ANK2: variants seen among roughly 807,000 people sequenced by gnomAD.
ANK2 encodes ankyrin 2.
A neutral mutation model predicts 360.5 loss-of-function variants in ANK2; 83 were observed. The observed-to-expected ratio is 0.23, with a 90% confidence interval of 0.19 to 0.28. The LOEUF (loss-of-function observed/expected upper bound fraction) is 0.28. Among genes scored for constraint, ANK2 ranks in the 10% least tolerant of loss-of-function variants. The pLI is 1.00. For missense variants in ANK2, 4,201 were observed against 4,795.7 expected (o/e 0.88, Z 3.66); for synonymous variants, 1,740 against 1,759.5 (o/e 0.99, Z 0.28).
intron 1 of ANK2, among the ~76,000 whole-genome samples, chr4:113,144,056 A>G (rs2096740729): frequency 6.6e-6 from 1 of 152,176 alleles, no homozygotes; most frequent in Admixed American, 6.5e-5. Context: ...TCCTTTTAAC[A>G]TGAATGGAGA....
intron 2 of ANK2, among the ~76,000 whole-genome samples, chr4:112,996,811 C>T (rs563536991): frequency 3.9e-5 from 6 of 152,158 alleles, no homozygotes; most frequent in South Asian, 4.2e-4. Flanking sequence ...TGTTGTGCCA[C>T]CAAATAATAG....
chr4:113,330,207 T>A (rs2153920854), intron 26 of ANK2, 39 bp from the exon 27 acceptor site: 1 of 1,576,078 alleles, frequency 6.3e-7, no homozygotes, highest in Non-Finnish European at 8.7e-7. Context: ...CTGCCCCCAA[T>A]ATTTCAAAAC....
At position 113,358,998 on chromosome 4, in the gene ANK2, A is replaced by C. The variant is rs761775624; in HGVS notation, c.10380A>C (p.Thr3460=). 1 of 1,614,124 alleles carries C rather than the reference A, an allele frequency of 6.2e-7. No individual in the cohort carries two copies. Among genetic ancestry groups the C allele is most frequent in the Non-Finnish European group, 8.5e-7 (1 of 1,179,974 alleles). The change falls in exon 38 of 46, where the codon ACA becomes ACC. Residue 3460 remains threonine (T), a synonymous_variant. Coordinates refer to ENST00000357077, the MANE Select transcript of ANK2 (RefSeq NM_001148.6). ...TSSCRGGTSP[T]KESKEHFFDL... ...CCTGCAGGGGGGGCACGAGCCCCAC[A>C]AAAGAAAGTAAGGAGCATTTCTTTG... is the stretch of plus-strand genomic sequence containing the variant.
At chr4:112,959,331 A>T (rs1161585472) in intron 2 of ANK2, among the ~76,000 whole-genome samples, 1 of 152,090 alleles carries the variant, frequency 6.6e-6, no homozygotes, top group East Asian at 1.9e-4. Flanking sequence ...ATTTTTTTTG[A>T]AAACAAGAAC....
At chr4:113,024,222 T>G (rs2154299575) in intron 2 of ANK2, among the ~76,000 whole-genome samples, 1 of 152,222 alleles carries the variant, frequency 6.6e-6, no homozygotes, top group African/African-American at 2.4e-5. Context: ...GAGAGCATGC[T>G]CCTCCATCAC....
At chr4:113,181,932 A>C (rs927349270) in intron 2 of ANK2, among the ~76,000 whole-genome samples, 7 of 152,132 alleles carry the variant, frequency 4.6e-5, no homozygotes, top group African/African-American at 1.7e-4. Flanking sequence ...AAGTGATTAG[A>C]GGGTTTTTAG....
At chr4:113,143,065 C>T (rs929660326) in intron 1 of ANK2, among the ~76,000 whole-genome samples, 19 of 151,240 alleles carry the variant, frequency 1.3e-4, no homozygotes, top group African/African-American at 2.9e-4. Flanking sequence ...TTATGAATTG[C>T]GTCCCTATCT....
intron 2 of ANK2, among the ~76,000 whole-genome samples, chr4:112,950,290 G>A (rs1010566651): frequency 3.3e-5 from 5 of 151,990 alleles, no homozygotes; most frequent in Non-Finnish European, 5.9e-5. Flanking sequence ...ATAAATGAAG[G>A]AACTGATAGA....
chr4:113,354,892 A>G lies in ANK2; in HGVS notation c.6274A>G (p.Ile2092Val). The G allele has an allele frequency of 1.2e-6, 2 of 1,614,122 alleles. No homozygotes were observed. Among genetic ancestry groups the G allele is most frequent in the Non-Finnish European group, 1.7e-6 (2 of 1,179,996 alleles). ...GGKEKVLSHK[I>V]PEPVQSVPEE... ...AAAGGAGAAAGTTCTCAGCCACAAA[A>G]TACCTGAACCTGTTCAGTCAGTGCC... The change falls in exon 38 of 46, where the codon ATA becomes GTA. Residue 2092 changes from isoleucine to valine, a missense_variant. Around this residue, in one of 4 missense-constraint regions of ANK2, gnomAD observed 2,642 missense variants for 2,714.5 expected, o/e 0.97. Transcript: ENST00000357077.
chr4:113,030,281 T>C (rs928224716), intron 2 of ANK2, among the ~76,000 whole-genome samples: 9 of 152,124 alleles, frequency 5.9e-5, no homozygotes, highest in African/African-American at 2.2e-4. Flanking sequence ...CTTGATATCT[T>C]CTTAAACAAG....
At chr4:113,364,844 G>A (rs1204961250) in intron 40 of ANK2, among the ~76,000 whole-genome samples, 195 bp from the exon 41 acceptor site, 32 of 152,084 alleles carry the variant, frequency 2.1e-4, no homozygotes, top group Non-Finnish European at 2.9e-5. Flanking sequence ...CTACTTTTAG[G>A]GCTTTTGCCC....
Position 113,052,436 on chromosome 4 carries a change from C to T in ANK2, c.84+2624C>T, listed in dbSNP as rs192289049. Among the ~76,000 whole-genome samples the T allele has an allele frequency of 2.8e-3, 431 of 152,170 alleles. 2 individuals carry two copies. Among genetic ancestry groups the T allele is most frequent in the Non-Finnish European group, 4.2e-3 (288 of 67,982 alleles). On this transcript the variant is annotated intron_variant, in intron 1 of 45. Transcript: ENST00000357077. ...CTGAATCATATTCCTTGAAATCATGCGTCTATCTCTAGTAAATACGTAACA... is the reference window on the plus strand; with the variant it reads ...CTGAATCATATTCCTTGAAATCATGTGTCTATCTCTAGTAAATACGTAACA...
chr4:113,061,897 T>C (rs573806654), intron 1 of ANK2, among the ~76,000 whole-genome samples: 28 of 152,248 alleles, frequency 1.8e-4, no homozygotes, highest in African/African-American at 6.5e-4. Context: ...CTTGAAGTGA[T>C]AGATACCCTG....
chr4:113,303,421 G>A (rs770344691), intron 23 of ANK2, among the ~76,000 whole-genome samples: 6 of 152,162 alleles, frequency 3.9e-5, no homozygotes, highest in Non-Finnish European at 8.8e-5. Context: ...TAATTTTAGA[G>A]TTGATGAAAA....
chr4:113,230,364 A>G (rs954379620), intron 4 of ANK2, among the ~76,000 whole-genome samples: 2 of 152,120 alleles, frequency 1.3e-5, no homozygotes, highest in African/African-American at 4.8e-5. Context: ...ATTTCCAAAA[A>G]GGTATCTTTA....
upstream of ANK2, among the ~76,000 whole-genome samples, chr4:113,048,260 A>G (rs984932754): frequency 1.3e-5 from 1 of 79,012 alleles, no homozygotes; most frequent in Non-Finnish European, 2.1e-5. Context: ...ATATATATAT[A>G]TATATATATA....
At chr4:112,829,367 A>C (rs1328864626) in intron 1 of ANK2, among the ~76,000 whole-genome samples, 1 of 151,338 alleles carries the variant, frequency 6.6e-6, no homozygotes, top group Admixed American at 6.6e-5. Context: ...TATTTATCGT[A>C]TCCTCAGGCC....
intron 2 of ANK2, among the ~76,000 whole-genome samples, chr4:113,030,453 T>C (rs934118148): frequency 6.6e-6 from 1 of 152,130 alleles, no homozygotes; most frequent in African/African-American, 2.4e-5. Flanking sequence ...GTCAGATTTG[T>C]CCTTGATGCT....
At chr4:112,999,405 T>A (rs1034698327) in intron 2 of ANK2, among the ~76,000 whole-genome samples, 2 of 152,072 alleles carry the variant, frequency 1.3e-5, no homozygotes, top group African/African-American at 4.8e-5. Flanking sequence ...GAAATGAAGA[T>A]CAGAGAGATT....
Sources: allele counts gnomAD v4.1 joint callset (sites outside exome capture counted in the v4.1 genomes callset), GRCh38; gene constraint gnomAD v4.1.1; regional missense constraint gnomAD v4.1.1; transcripts MANE v1.5; gene names NCBI Gene and HGNC (gene_info 2026-07-23, HGNC 2026-07-21).